WWOX: variants seen among roughly 807,000 people sequenced by gnomAD.
WWOX encodes WW domain-containing oxidoreductase.
Under a neutral mutation model 46.2 loss-of-function variants are expected in WWOX, and 69 were observed. The ratio of observed to expected loss-of-function variants is 1.49; its 90% CI spans 1.23 to 1.82. The LOEUF (loss-of-function observed/expected upper bound fraction) is 1.82. WWOX is among the 40% of genes most tolerant of loss of function. The pLI is 0.00. For missense variants in WWOX, 919 were observed against 542.6 expected, an observed-to-expected ratio of 1.69 and a Z score of -6.89; for synonymous variants, 359 against 202.6, an observed-to-expected ratio of 1.77 and a Z score of -6.56.
At chr16:78,927,911 G>C (rs2045535225) in intron 8 of WWOX, among the ~76,000 whole-genome samples, 1 of 152,058 alleles carries the variant, frequency 6.6e-6, no homozygotes, top group African/African-American at 2.4e-5. Context: ...CATATTCCTA[G>C]CCATTCCTTT....
At chr16:78,225,477 C>G (rs967903529) in intron 5 of WWOX, among the ~76,000 whole-genome samples, 24 of 152,090 alleles carry the variant, frequency 1.6e-4, no homozygotes, top group African/African-American at 5.8e-4. Flanking sequence ...ATCTATCAGC[C>G]TGTCTTCTAT....
At chr16:78,395,003 G>A (rs1313586166) in intron 6 of WWOX, among the ~76,000 whole-genome samples, 1 of 152,146 alleles carries the variant, frequency 6.6e-6, no homozygotes, top group Non-Finnish European at 1.5e-5. Flanking sequence ...GTTGATTATT[G>A]AAAATAGCCA....
rs141269281 is a variant in WWOX at position 78,624,683 on chromosome 16, G to T, written c.1056+191931G>T. Reference sequence around the variant, plus strand: ...AAAACCCTCACTTTTATTGCAGCAAGATTTTTCTCAAAGTTGCCTTTCATG... The same window carrying T: ...AAAACCCTCACTTTTATTGCAGCAATATTTTTCTCAAAGTTGCCTTTCATG... On this transcript the variant is annotated intron_variant, in intron 8 of 8. Transcript: ENST00000566780. Among the ~76,000 whole-genome samples, 946 of 152,244 alleles carry T rather than the reference G, an allele frequency of 6.2e-3. 7 individuals are homozygous for T. Among genetic ancestry groups the T allele is most frequent in the Non-Finnish European group, 9.9e-3 (671 of 68,006 alleles).
At chr16:78,204,480 G>T (rs1191673504) in intron 5 of WWOX, among the ~76,000 whole-genome samples, 1 of 151,132 alleles carries the variant, frequency 6.6e-6, no homozygotes, top group Non-Finnish European at 1.5e-5. Context: ...TCACCCTGTT[G>T]TGTTGTCAAA....
intron 8 of WWOX, among the ~76,000 whole-genome samples, chr16:78,566,975 T>C (rs2044584655): frequency 6.6e-6 from 1 of 152,204 alleles, no homozygotes; most frequent in South Asian, 2.1e-4. Flanking sequence ...ACCAGTGTAA[T>C]CATAGCAGAA....
chr16:78,781,246 G>T (rs1397307424), intron 8 of WWOX, among the ~76,000 whole-genome samples: 1 of 152,132 alleles, frequency 6.6e-6, no homozygotes, highest in Non-Finnish European at 1.5e-5. Flanking sequence ...TGTCTGCCTG[G>T]AACTGGGCAC....
At chr16:78,695,211 C>A (rs1005845618) in intron 8 of WWOX, among the ~76,000 whole-genome samples, 8 of 151,862 alleles carry the variant, frequency 5.3e-5, no homozygotes, top group Non-Finnish European at 1.0e-4. Flanking sequence ...GTATTAGTTC[C>A]CTTTTGTTAT....
At chr16:78,798,589 G>T in intron 8 of WWOX, among the ~76,000 whole-genome samples, 2 of 74,690 alleles carry the variant, frequency 2.7e-5, no homozygotes, top group African/African-American at 3.8e-5. Context: ...AGTTGTTGTT[G>T]GGTTTTTTTT....
chr16:78,316,256 G>A (rs1168251522), intron 5 of WWOX, among the ~76,000 whole-genome samples: 1 of 152,118 alleles, frequency 6.6e-6, no homozygotes, highest in African/African-American at 2.4e-5. Flanking sequence ...AGGTGGCACT[G>A]CAGCAAACAG....
At chr16:78,411,312 T>A (rs146332537) in intron 6 of WWOX, among the ~76,000 whole-genome samples, 7 of 152,202 alleles carry the variant, frequency 4.6e-5, no homozygotes, top group African/African-American at 1.7e-4. Flanking sequence ...TTGAGTAATA[T>A]GCCATTGTGT....
chr16:78,278,280 C>A (rs1006917805), intron 5 of WWOX, among the ~76,000 whole-genome samples: 1 of 151,978 alleles, frequency 6.6e-6, no homozygotes, highest in African/African-American at 2.4e-5. Flanking sequence ...TTTCTCTTGC[C>A]GCAAGGGTAC....
rs139673656 is a variant in WWOX at position 78,959,505 on chromosome 16, A to T, written c.1057-252103A>T. Among the ~76,000 whole-genome samples the T allele has an allele frequency of 1.7e-3, 257 of 152,268 alleles. 1 individual carries two copies. The highest frequency in any genetic ancestry group is 6.8e-3 in the Middle Eastern group (2 of 294). ...CATCCATCTATCTGTCCATCCATCT[A>T]TTCACTCATGCATTCATCCACCTGT... On this transcript the variant is annotated intron_variant, in intron 8 of 8. Transcript: ENST00000566780.
chr16:78,703,110 G>T (rs902006944), intron 8 of WWOX, among the ~76,000 whole-genome samples: 3 of 152,180 alleles, frequency 2.0e-5, no homozygotes, highest in African/African-American at 4.8e-5. Flanking sequence ...CAGGGACCTT[G>T]CTTTTAGTCA....
intron 3 of WWOX, chr16:78,111,742 G>C (rs1008440624): frequency 6.4e-6 from 1 of 156,280 alleles, no homozygotes; most frequent in African/African-American, 2.4e-5. Context: ...CCGTACTCCT[G>C]GTTCCTCTTT....
At chr16:78,446,059 G>GA (rs1164535259) in intron 8 of WWOX, among the ~76,000 whole-genome samples, 2 of 152,302 alleles carry the variant, frequency 1.3e-5, no homozygotes, top group East Asian at 3.9e-4. Context: ...TTTAGATCTG[G>GA]AAAGACTAAG....
At chr16:78,791,018 C>CAA (rs775592585) in intron 8 of WWOX, among the ~76,000 whole-genome samples, 17,353 of 61,930 alleles carry the variant, frequency 0.28, 2,764 homozygotes, top group African/African-American at 0.39. Flanking sequence ...GACCCTGTCT[C>CAA]AAAAAAAAAA....
chr16:78,431,561 A>T (rs1378330945), intron 7 of WWOX, among the ~76,000 whole-genome samples: 2 of 152,280 alleles, frequency 1.3e-5, no homozygotes, highest in East Asian at 3.9e-4. Context: ...TGTTTAATTT[A>T]ATTATCTTTG....
intron 8 of WWOX, among the ~76,000 whole-genome samples, chr16:78,593,188 T>A (rs577256880): frequency 1.3e-5 from 2 of 149,304 alleles, no homozygotes; most frequent in South Asian, 4.4e-4. Context: ...CTGATTCTTT[T>A]GAGGATCACT....
Position 78,951,722 on chromosome 16 carries a change from T to G in WWOX, c.1057-259886T>G, listed in dbSNP as rs2046064029. Reference sequence around the variant, plus strand: ...GTACCGGGGAACCAGGTGAGGGGGTTAAGAGGCCTGGGCCCATGGAAGGGG... The same window carrying G: ...GTACCGGGGAACCAGGTGAGGGGGTGAAGAGGCCTGGGCCCATGGAAGGGG... On this transcript the variant is annotated intron_variant, in intron 8 of 8. Transcript: ENST00000566780. 2.0e-5 allele frequency among the ~76,000 whole-genome samples: 3 copies of G among 152,230 alleles called. No individual in the cohort carries two copies. The South Asian group carries it at 6.2e-4, about 32-fold the overall frequency.
Sources: gnomAD v4.1 joint callset for allele counts (sites outside exome capture counted in the v4.1 genomes callset) on GRCh38, gnomAD v4.1.1 for gene constraint, MANE v1.5 for transcripts, NCBI Gene and HGNC (gene_info 2026-07-23, HGNC 2026-07-21) for gene names.